NELL1: variants seen among roughly 807,000 people sequenced by gnomAD.
The protein encoded by NELL1 is protein kinase C-binding protein NELL1.
Under a neutral mutation model 107.4 loss-of-function variants are expected in NELL1, and 76 were observed. That is an observed-to-expected ratio of 0.71 (90% confidence interval 0.59 to 0.86). The LOEUF is 0.86. Among genes scored for constraint, NELL1 ranks in the 40% least tolerant of loss-of-function variants. NELL1 has a pLI of 0.00. For synonymous variants in NELL1, 353 were observed against 341.2 expected, an observed-to-expected ratio of 1.03 and a Z score of -0.38; for missense variants, 1,024 against 1,005.5, an observed-to-expected ratio of 1.02 and a Z score of -0.25.
intron 14 of NELL1, among the ~76,000 whole-genome samples, chr11:21,351,142 G>C (rs145144853): frequency 6.6e-6 from 1 of 152,146 alleles, no homozygotes; most frequent in South Asian, 2.1e-4. Context: ...AATGCTACAA[G>C]CCAAGGAATA....
chr11:20,981,956 TTCTCTCTC>T (rs68140364), intron 12 of NELL1, among the ~76,000 whole-genome samples: 1,762 of 148,648 alleles, frequency 0.012, 16 homozygotes, highest in Non-Finnish European at 0.018. Context: ...CTCTCTCTCT[TTCTCTCTC>T]TCTCTCTCTC....
intron 16 of NELL1, among the ~76,000 whole-genome samples, chr11:21,539,367 C>T (rs1201794090): frequency 6.6e-6 from 1 of 152,066 alleles, no homozygotes; most frequent in African/African-American, 2.4e-5. Context: ...ATTGTACCCT[C>T]TGCCTTTTCA....
At chr11:20,864,773 A>G (rs1456161209) in intron 4 of NELL1, among the ~76,000 whole-genome samples, 3 of 152,212 alleles carry the variant, frequency 2.0e-5, no homozygotes, top group Non-Finnish European at 4.4e-5. Flanking sequence ...CTTCACACTT[A>G]CTTTTATCTC....
Position 21,560,271 on chromosome 11 carries a change from C to G in NELL1, c.1869C>G (p.Leu623=). Residue 623 remains leucine (L), a synonymous_variant, in exon 17 of 20, where the codon CTC becomes CTG. Transcript: ENST00000357134. ...CINLAGGFDC[L]CPSGPSCSGD... Reference sequence around the variant, plus strand: ...ACCTGGCAGGGGGCTTTGACTGTCTCTGCCCCTCTGGGCCCTCCTGCTCTG... The same window carrying G: ...ACCTGGCAGGGGGCTTTGACTGTCTGTGCCCCTCTGGGCCCTCCTGCTCTG... 1 of 1,613,610 alleles carries G rather than the reference C, an allele frequency of 6.2e-7. No homozygotes were observed. The highest frequency in any genetic ancestry group is 8.5e-7 in the Non-Finnish European group (1 of 1,179,732).
chr11:20,783,094 A>G (rs954852338), intron 2 of NELL1, among the ~76,000 whole-genome samples: 2 of 152,192 alleles, frequency 1.3e-5, no homozygotes, highest in African/African-American at 2.4e-5. Flanking sequence ...TCGTTAAGCA[A>G]AGGCAGAGTT....
intron 13 of NELL1, among the ~76,000 whole-genome samples, chr11:21,154,606 T>G (rs1475527033): frequency 4.6e-5 from 7 of 151,978 alleles, no homozygotes; most frequent in Non-Finnish European, 8.8e-5. Context: ...AGGACAAAAA[T>G]ATAAAAATAG....
intron 15 of NELL1, among the ~76,000 whole-genome samples, chr11:21,493,143 G>T (rs1392546540): frequency 6.6e-6 from 1 of 152,056 alleles, no homozygotes; most frequent in Non-Finnish European, 1.5e-5. Context: ...GGGTGGGAAT[G>T]TAAATTAGTA....
At chr11:21,266,179 T>A (rs1208145580) in intron 14 of NELL1, among the ~76,000 whole-genome samples, 2 of 140,872 alleles carry the variant, frequency 1.4e-5, no homozygotes, top group Non-Finnish European at 3.2e-5. Context: ...GCAGTTCGCA[T>A]TCCATTTAGG....
At chr11:20,997,092 T>A (rs78386729) in intron 12 of NELL1, among the ~76,000 whole-genome samples, 10,076 of 152,192 alleles carry the variant, frequency 0.066, 450 homozygotes, top group South Asian at 0.17. Context: ...AACAACTAGA[T>A]GATTAAGAGG....
At chr11:20,977,488 T>A (rs997400595) in intron 12 of NELL1, among the ~76,000 whole-genome samples, 3 of 152,054 alleles carry the variant, frequency 2.0e-5, no homozygotes, top group Admixed American at 6.6e-5. Context: ...ATGGTCTCGA[T>A]CTCCTGACCT....
intron 4 of NELL1, among the ~76,000 whole-genome samples, chr11:20,857,026 T>C (rs1848894138): frequency 6.6e-6 from 1 of 152,228 alleles, no homozygotes; most frequent in Non-Finnish European, 1.5e-5. Context: ...CCACTTGTTA[T>C]ATAATCACAG....
intron 12 of NELL1, among the ~76,000 whole-genome samples, chr11:21,085,755 G>GGGACA (rs1176708720): frequency 6.6e-6 from 1 of 152,194 alleles, no homozygotes; most frequent in Non-Finnish European, 1.5e-5. Context: ...AGTAGAATAG[G>GGGACA]GGACAGGACA....
At chr11:21,502,333 A>G (rs962423503) in intron 15 of NELL1, among the ~76,000 whole-genome samples, 1 of 152,196 alleles carries the variant, frequency 6.6e-6, no homozygotes, top group East Asian at 1.9e-4. Flanking sequence ...ACAGAGTTCA[A>G]GTAAGATTTT....
intron 13 of NELL1, among the ~76,000 whole-genome samples, chr11:21,158,725 T>G (rs555264752): frequency 3.9e-5 from 6 of 152,214 alleles, no homozygotes; most frequent in Non-Finnish European, 8.8e-5. Context: ...AGTATGGACT[T>G]CCTTTAAGTA....
intron 5 of NELL1, among the ~76,000 whole-genome samples, chr11:20,890,175 T>C (rs1004937659): frequency 2.0e-5 from 3 of 152,054 alleles, no homozygotes; most frequent in African/African-American, 7.2e-5. Context: ...TTCTCCAGCC[T>C]CCTTAAGTGA....
At chr11:20,938,174 T>G (rs550493707) in intron 10 of NELL1, among the ~76,000 whole-genome samples, 30 of 152,180 alleles carry the variant, frequency 2.0e-4, no homozygotes, top group African/African-American at 7.0e-4. Context: ...GAGTTGGTAT[T>G]AGGGGAATCA....
chr11:20,924,242 T>C (rs1850442397), intron 7 of NELL1, among the ~76,000 whole-genome samples: 1 of 152,206 alleles, frequency 6.6e-6, no homozygotes. Flanking sequence ...ATTGCCGTTT[T>C]AGGATTTAGC....
At chr11:21,035,195 T>G (rs1449667122) in intron 12 of NELL1, among the ~76,000 whole-genome samples, 1 of 152,048 alleles carries the variant, frequency 6.6e-6, no homozygotes, top group African/African-American at 2.4e-5. Flanking sequence ...AATCCCTGAA[T>G]AGACTAATCA....
chr11:21,014,551 C>T (rs1378779238), intron 12 of NELL1, among the ~76,000 whole-genome samples: 2 of 152,006 alleles, frequency 1.3e-5, no homozygotes, highest in Non-Finnish European at 2.9e-5. Flanking sequence ...TTGATAAACC[C>T]ATAACTCAAT....
Sources: allele counts gnomAD v4.1 joint callset (sites outside exome capture counted in the v4.1 genomes callset), GRCh38; gene constraint gnomAD v4.1.1; transcripts MANE v1.5; gene names NCBI Gene and HGNC (gene_info 2026-07-23, HGNC 2026-07-21).